Variants in HDAC4 observed in about 807,000 individuals in gnomAD.
HDAC4 encodes histone deacetylase A.
HDAC4 carries 16 observed loss-of-function variants against 135.1 expected under a neutral mutation model. The observed-to-expected ratio is 0.12, with a 90% CI of 0.08 to 0.18. The LOEUF (loss-of-function observed/expected upper bound fraction) is 0.18, where lower values mean the gene tolerates loss of function less well. Ranked by LOEUF, HDAC4 falls within the 10% of genes least tolerant of loss-of-function variation. The probability of loss-of-function intolerance (pLI) is 1.00; values close to 1 mark genes in which losing one functional copy is unlikely to be tolerated. For missense variants in HDAC4, 1,143 were observed against 1,511.8 expected, an observed-to-expected ratio of 0.76 and a Z score of 4.05; for synonymous variants, 685 against 653.4, an observed-to-expected ratio of 1.05 and a Z score of -0.74.
At chr2:239,078,533 T>C (rs542222010) in intron 22 of HDAC4, among the ~76,000 whole-genome samples, 1 of 146,982 alleles carries the variant, frequency 6.8e-6, no homozygotes, top group African/African-American at 2.5e-5. Flanking sequence ...TTAAAATCAA[T>C]AAAAAAAAAA....
chr2:239,053,237 C>A, intron 26 of HDAC4, 101 bp from the exon 27 acceptor site: 1 of 1,473,570 alleles, frequency 6.8e-7, no homozygotes, highest in Non-Finnish European at 9.4e-7. Context: ...GCCCCACCCG[C>A]CAGCCTAGCC....
chr2:239,372,705 G>A (rs1449824425), intron 1 of HDAC4, among the ~76,000 whole-genome samples: 2 of 152,210 alleles, frequency 1.3e-5, no homozygotes, highest in South Asian at 2.1e-4. Flanking sequence ...CAGAGCAATA[G>A]CTTCTTTCTC....
intron 3 of HDAC4, among the ~76,000 whole-genome samples, chr2:239,194,458 G>T (rs1010195528): frequency 1.1e-4 from 17 of 152,176 alleles, no homozygotes; most frequent in Admixed American, 9.8e-4. Flanking sequence ...TGAAGCTTGG[G>T]TGACGCTCCT....
intron 5 of HDAC4, among the ~76,000 whole-genome samples, chr2:239,166,200 G>A (rs1256009951): frequency 6.6e-6 from 1 of 152,160 alleles, no homozygotes; most frequent in Admixed American, 6.5e-5. Context: ...GTCTGGTCAA[G>A]GGTCAGTCAG....
chr2:239,086,582 G>C (rs892335579), intron 19 of HDAC4, among the ~76,000 whole-genome samples: 38 of 152,190 alleles, frequency 2.5e-4, no homozygotes, highest in Non-Finnish European at 5.1e-4. Flanking sequence ...GCTCTAACAC[G>C]CGGATCTGAC....
At chr2:239,067,829 G>A (rs1395641684) in intron 23 of HDAC4, among the ~76,000 whole-genome samples, 7 of 152,174 alleles carry the variant, frequency 4.6e-5, no homozygotes, top group Admixed American at 4.6e-4. Context: ...TGGACGCTGG[G>A]GCCTTGAGGG....
chr2:239,276,106 C>G (rs565447887), intron 2 of HDAC4, among the ~76,000 whole-genome samples: 1 of 152,136 alleles, frequency 6.6e-6, no homozygotes. Flanking sequence ...GGGAGGACTG[C>G]GCAGGGACCT....
At chr2:239,278,190 A>G (rs2050498991) in intron 2 of HDAC4, among the ~76,000 whole-genome samples, 1 of 145,644 alleles carries the variant, frequency 6.9e-6, no homozygotes, top group South Asian at 2.1e-4. Flanking sequence ...AAAAAAAGAA[A>G]AAAAAAAAAA....
intron 19 of HDAC4, 84 bp from the exon 20 acceptor site, chr2:239,084,326 G>A (rs1049340835): frequency 1.1e-5 from 10 of 916,404 alleles, no homozygotes; most frequent in Non-Finnish European, 1.4e-5. Context: ...GCCACTCGGG[G>A]TCCACGCAGA....
At chr2:239,305,354 G>C (rs549442360) in intron 2 of HDAC4, 1 of 152,664 alleles carries the variant, frequency 6.6e-6, no homozygotes, top group African/African-American at 2.4e-5. Context: ...CAATGGTAGG[G>C]AACATTCCTT....
intron 2 of HDAC4, among the ~76,000 whole-genome samples, chr2:239,248,152 C>T (rs2048573451): frequency 1.3e-5 from 2 of 152,014 alleles, no homozygotes; most frequent in South Asian, 4.1e-4. Context: ...AGCCAACACG[C>T]CCCTTGGGTT....
intron 1 of HDAC4, among the ~76,000 whole-genome samples, chr2:239,378,174 G>A (rs1032280649): frequency 6.6e-6 from 1 of 152,058 alleles, no homozygotes; most frequent in Non-Finnish European, 1.5e-5. Flanking sequence ...GACACCTCTT[G>A]GACCCTGAGG....
intron 2 of HDAC4, among the ~76,000 whole-genome samples, chr2:239,345,478 G>T (rs1036425625): frequency 6.6e-6 from 1 of 151,848 alleles, no homozygotes; most frequent in Admixed American, 6.6e-5. Context: ...TGGGAGGATC[G>T]CTGAAGCCCA....
At chr2:239,215,315 T>C (rs895024769) in intron 3 of HDAC4, among the ~76,000 whole-genome samples, 1 of 152,126 alleles carries the variant, frequency 6.6e-6, no homozygotes, top group African/African-American at 2.4e-5. Context: ...TGAGAGGCCA[T>C]GGGCTGAGGC....
chr2:239,093,384 C>T (rs1172358410), intron 17 of HDAC4, among the ~76,000 whole-genome samples: 2 of 152,196 alleles, frequency 1.3e-5, no homozygotes, highest in African/African-American at 4.8e-5. Context: ...TACTTTGCTC[C>T]TCCTGACACC....
rs2047327697 is a variant in HDAC4 at position 239,227,817 on chromosome 2, C to T, written c.94+8776G>A. On this transcript the variant is annotated intron_variant, in intron 3 of 26. Transcript: ENST00000543185. ...ACTGACTCAGCAGCTTCACGAGAGT[C>T]ATCGCCCTGCAGATCAGGTCCAGCG... is the stretch of plus-strand genomic sequence containing the variant. 2.0e-5 allele frequency among the ~76,000 whole-genome samples: 3 copies of T among 152,318 alleles called. No individual in the cohort carries two copies. The South Asian group carries it at 6.2e-4, about 32-fold the overall frequency.
intron 1 of HDAC4, among the ~76,000 whole-genome samples, chr2:239,389,807 GC>G (rs777339856): frequency 2.4e-4 from 37 of 152,130 alleles, no homozygotes; most frequent in Non-Finnish European, 4.9e-4. Context: ...TACCAGGGAG[GC>G]CAGTTCCCCA....
chr2:239,354,159 T>A (rs143948575), intron 1 of HDAC4, among the ~76,000 whole-genome samples: 33 of 152,348 alleles, frequency 2.2e-4, no homozygotes, highest in African/African-American at 7.9e-4. Flanking sequence ...CCTCTAGTGA[T>A]ACAGCTGTCT....
At chr2:239,156,151 G>A (rs748229383) in intron 7 of HDAC4, among the ~76,000 whole-genome samples, 8 of 152,190 alleles carry the variant, frequency 5.3e-5, no homozygotes, top group Non-Finnish European at 7.4e-5. Context: ...ACATAACTCT[G>A]AGCCCAGCTG....
Sources: gnomAD v4.1 joint callset for allele counts (sites outside exome capture counted in the v4.1 genomes callset) on GRCh38, gnomAD v4.1.1 for gene constraint, MANE v1.5 for transcripts, NCBI Gene and HGNC (gene_info 2026-07-23, HGNC 2026-07-21) for gene names.